The following MEA1 variants were observed in gnomAD, a reference collection of about 807,000 sequenced individuals.
MEA1 encodes the protein Male-enhanced antigen (H-Y structural gene).
MEA1 carries 22 observed loss-of-function variants against 21.4 expected under a neutral mutation model. That is an observed-to-expected ratio of 1.03 (90% CI 0.73 to 1.47). The LOEUF is 1.47. MEA1 is among the 40% of genes most tolerant of loss of function. The pLI is 0.00. For synonymous variants in MEA1, 91 were observed against 85.5 expected, an observed-to-expected ratio of 1.06 and a Z score of -0.35; for missense variants, 233 against 230.5, an observed-to-expected ratio of 1.01 and a Z score of -0.07.
chr6:43,012,666 C>T (rs1762410679), intron 3 of MEA1, 45 bp from the exon 4 acceptor site: 1 of 1,552,174 alleles, frequency 6.4e-7, no homozygotes, highest in Non-Finnish European at 8.7e-7. Flanking sequence ...AATAATGGGA[C>T]CAGCTCCCCT....
At chr6:43,014,696 CAG>C (rs576154518), upstream of MEA1, 103 of 448,508 alleles carry the variant, frequency 2.3e-4, no homozygotes, top group South Asian at 1.6e-3. Context: ...GAGTCATATG[CAG>C]AGAGGGGTAT....
At position 43,013,387 on chromosome 6, in the gene MEA1, G is replaced by C. The variant is rs745407471; in HGVS notation, c.31C>G (p.Pro11Ala). 5.6e-6 allele frequency: 9 copies of C among 1,612,102 alleles called. No individual in the cohort carries two copies. Among genetic ancestry groups the C allele is most frequent in the Middle Eastern group, 1.6e-4 (1 of 6,066 alleles). Reference protein sequence around the residue: MGPERHLSGAPARMATVVLGG... With the variant: MGPERHLSGAAARMATVVLGG... ...AGAACTACTGTTGCCATCCGGGCAG[G>C]GGCTGCAAGAACAGGGAGGCGGTAG... The change falls in exon 2 of 4, where the codon CCT (proline) becomes GCT (alanine). Residue 11 changes from proline (P) to alanine (A), a missense_variant and splice_region_variant. Physicochemically the swap from Pro to Ala is conservative, Grantham distance 27. Transcript: ENST00000244711.
At chr6:43,012,813 T>C in intron 3 of MEA1, 113 bp downstream of exon 3, 1 of 1,286,196 alleles carries the variant, frequency 7.8e-7, no homozygotes, top group Non-Finnish European at 1.1e-6. Context: ...TACAAAATCT[T>C]AGTTTACAAA....
upstream of MEA1, chr6:43,014,385 G>A (rs1269728163): frequency 2.3e-5 from 14 of 621,736 alleles, no homozygotes; most frequent in Non-Finnish European, 3.9e-5. Context: ...GGGAGAATTA[G>A]GGGGCTTAGG....
At position 43,012,073 on chromosome 6, in the gene MEA1, G is replaced by T; in HGVS notation, c.*397C>A. ...CCAAAACTAGAAAGAAGGAAGCAGG[G>T]AGCGGTGCCCCAAGCATGGCTCCTG... On this transcript the variant is annotated 3_prime_UTR_variant, in exon 4 of 4. Coordinates refer to ENST00000244711, the MANE Select transcript of MEA1 (RefSeq NM_014623.4). 2.4e-6 allele frequency: 1 copy of T among 409,302 alleles called. No homozygotes were observed. The highest frequency in any genetic ancestry group is 3.3e-6 in the Non-Finnish European group (1 of 301,840). 25.4% of individuals were successfully genotyped at this position (409,302 alleles called of 1,614,324 possible).
upstream of MEA1, among the ~76,000 whole-genome samples, chr6:43,015,021 A>C (rs3793023): frequency 0.13 from 19,612 of 152,112 alleles, 2,423 homozygotes; most frequent in African/African-American, 0.33. Context: ...GAGAAACTAA[A>C]ATTTTTTTTC....
upstream of MEA1, among the ~76,000 whole-genome samples, chr6:43,015,351 C>T (rs1762539344): frequency 2.0e-5 from 3 of 152,142 alleles, no homozygotes; most frequent in Admixed American, 2.0e-4. Flanking sequence ...CTGCAAGGGG[C>T]CTCCCTTATT....
rs1762344424 is a variant in MEA1 at position 43,011,334 on chromosome 6, A to G, written c.*1136T>C. On this transcript the variant is annotated 3_prime_UTR_variant, in exon 4 of 4. Coordinates refer to ENST00000244711, the MANE Select transcript of MEA1 (RefSeq NM_014623.4). The stretch of plus-strand genomic sequence containing the variant: ...GCCACAGCCCACACAGCCCTGGGAC[A>G]CTGCCCTGGCCCTCCATACTCTGCT... 1 of 1,610,090 alleles carries G rather than the reference A, an allele frequency of 6.2e-7. No homozygotes were observed. The highest frequency in any genetic ancestry group is 2.2e-5 in the East Asian group (1 of 44,846).
Position 43,011,173 on chromosome 6 carries a change from A to G in MEA1, c.*1297T>C, listed in dbSNP as rs772602621. 1.2e-6 allele frequency: 2 copies of G among 1,614,090 alleles called. No individual in the cohort carries two copies. The highest frequency in any genetic ancestry group is 8.5e-7 in the Non-Finnish European group (1 of 1,180,014). The stretch of plus-strand genomic sequence containing the variant: ...GATGCTAAAAGACATCAAGAAGGAG[A>G]AAGTGCTGCTGCGGAGGAAGTCGGA... On this transcript the variant is annotated 3_prime_UTR_variant, in exon 4 of 4. Coordinates refer to ENST00000244711, the MANE Select transcript of MEA1 (RefSeq NM_014623.4).
chr6:43,015,153 C>T (rs1422784424), upstream of MEA1, among the ~76,000 whole-genome samples: 1 of 152,166 alleles, frequency 6.6e-6, no homozygotes, highest in Non-Finnish European at 1.5e-5. Context: ...TTAAGCCCAT[C>T]GACCTCCTAA....
At chr6:43,016,584 A>C (rs945294854), upstream of MEA1, 7 of 152,646 alleles carry the variant, frequency 4.6e-5, no homozygotes, top group Non-Finnish European at 1.0e-4. Flanking sequence ...GTCCTGGATC[A>C]GTCCCGCCCT....
chr6:43,011,457 C>G lies in MEA1; in HGVS notation c.*1013G>C. 2 of 878,882 alleles carry G rather than the reference C, an allele frequency of 2.3e-6. No homozygotes were observed. The highest frequency in any genetic ancestry group is 3.4e-6 in the Non-Finnish European group (2 of 587,768). 54.4% of individuals were successfully genotyped at this position (878,882 alleles called of 1,614,324 possible). On this transcript the variant is annotated 3_prime_UTR_variant, in exon 4 of 4. Transcript: ENST00000244711. ...CAGGGACACCCACAGAATGGTCCCT[C>G]TTCTCCCCAAAAGGTGTTCATGCCT... is the stretch of plus-strand genomic sequence containing the variant.
Position 43,011,535 on chromosome 6 carries a change from G to A in MEA1, c.*935C>T, listed in dbSNP as rs1341276933. ...AAGATGCTTAGTGCTCAGACAACCTGGGGATGCCTGTCCCCTACCTGCTCC... is the reference window on the plus strand; with the variant it reads ...AAGATGCTTAGTGCTCAGACAACCTAGGGATGCCTGTCCCCTACCTGCTCC... On this transcript the variant is annotated 3_prime_UTR_variant, in exon 4 of 4. Coordinates refer to ENST00000244711, the MANE Select transcript of MEA1 (RefSeq NM_014623.4). The A allele has an allele frequency of 3.7e-6, 2 of 541,388 alleles. No homozygotes were observed. The highest frequency in any genetic ancestry group is 3.8e-5 in the African/African-American group (2 of 52,676). 33.5% of individuals were successfully genotyped at this position (541,388 alleles called of 1,614,324 possible).
intron 1 of MEA1, 61 bp from the exon 2 acceptor site, chr6:43,013,450 CTCA>C: frequency 1.3e-6 from 2 of 1,560,038 alleles, no homozygotes; most frequent in East Asian, 2.3e-5. Context: ...TCTTCATCCT[CTCA>C]TCATCTCCTT....
Position 43,011,479 on chromosome 6 carries a change from G to A in MEA1, c.*991C>T, listed in dbSNP as rs1762348300. ...CCTCTTCTCCCCAAAAGGTGTTCAT[G>A]CCTCCCTGTGGCTAGTACAGGCTGA... On this transcript the variant is annotated 3_prime_UTR_variant, in exon 4 of 4. Coordinates refer to ENST00000244711, the MANE Select transcript of MEA1 (RefSeq NM_014623.4). The A allele has an allele frequency of 1.4e-6, 1 of 715,094 alleles. No individual in the cohort carries two copies. 44.3% of individuals were successfully genotyped at this position (715,094 alleles called of 1,614,324 possible). A position where few individuals can be genotyped will look rare whatever the true frequency, so the allele number is the denominator to read the frequency against.
chr6:43,014,169 A>G, upstream of MEA1: 1 of 1,412,824 alleles, frequency 7.1e-7, no homozygotes. Flanking sequence ...ATGGACTACA[A>G]GTCCCGAAAT....
At position 43,012,585 on chromosome 6, in the gene MEA1, A is replaced by G; in HGVS notation, c.443T>C (p.Val148Ala). Residue 148 changes from valine (V) to alanine (A), a missense_variant, in exon 4 of 4, where the codon GTA becomes GCA. Val to Ala is a moderately conservative substitution (Grantham distance 64). Transcript: ENST00000244711. ...AGGAACCCCTGGCGCAGGCAGGCTT[A>G]CTCCAGCCATTGTCCTTTTCACCAG... is the stretch of plus-strand genomic sequence containing the variant. The part of the protein sequence containing the change: ...VELVKRTMAG[V>A]SLPAPGVPAW... 1 of 1,610,460 alleles carries G rather than the reference A, an allele frequency of 6.2e-7. No individual in the cohort carries two copies. The highest frequency in any genetic ancestry group is 8.5e-7 in the Non-Finnish European group (1 of 1,178,766).
At chr6:43,016,363 C>G (rs1481367618), upstream of MEA1, 2 of 152,254 alleles carry the variant, frequency 1.3e-5, no homozygotes, top group Non-Finnish European at 2.9e-5. Flanking sequence ...GGGGAAGTGG[C>G]AGGAGGAGAA....
At position 43,012,308 on chromosome 6, in the gene MEA1, T is replaced by C. The variant is rs1762390700; in HGVS notation, c.*162A>G. 4 of 1,410,824 alleles carry C rather than the reference T, an allele frequency of 2.8e-6. No homozygotes were observed. The highest frequency in any genetic ancestry group is 3.7e-6 in the Non-Finnish European group (4 of 1,081,752). The allele number at this position is 1,410,824 out of a possible 1,614,324, so 87.4% of individuals were successfully genotyped here. ...GGTTGGGCTTGGACCGATGTCCCCA[T>C]ATGTACAGAACTGAATAAAGTGGGT... On this transcript the variant is annotated 3_prime_UTR_variant, in exon 4 of 4. Coordinates refer to ENST00000244711, the MANE Select transcript of MEA1 (RefSeq NM_014623.4).
Sources: gnomAD v4.1 joint callset for allele counts (sites outside exome capture counted in the v4.1 genomes callset) on GRCh38, gnomAD v4.1.1 for gene constraint, MANE v1.5 for transcripts, NCBI Gene and HGNC (gene_info 2026-07-23, HGNC 2026-07-21) for gene names.